Variants in IAH1 observed in about 807,000 individuals in gnomAD.
The protein encoded by IAH1 is isoamyl acetate-hydrolyzing esterase 1 homolog.
IAH1 carries 24 observed loss-of-function variants against 26.7 expected under a neutral mutation model. The ratio of observed to expected loss-of-function variants is 0.90; its 90% confidence interval spans 0.65 to 1.26. IAH1 has a LOEUF of 1.26. Among genes scored for constraint, IAH1 ranks in the 50% most tolerant of loss-of-function variants. The probability of loss-of-function intolerance (pLI) is 0.00; values close to 1 mark genes in which losing one functional copy is unlikely to be tolerated. For synonymous variants in IAH1, 140 were observed against 118.5 expected (o/e 1.18, Z -1.18); for missense variants, 300 against 299.9 (o/e 1.00, Z 0.00).
downstream of IAH1, chr2:9,490,146 CA>C: frequency 6.5e-7 from 1 of 1,537,584 alleles, no homozygotes; most frequent in Non-Finnish European, 8.8e-7. Flanking sequence ...AAATATTTTG[CA>C]CACTTAAGTC....
chr2:9,481,242 T>C (rs373062565), intron 3 of IAH1, 44 bp from the exon 4 acceptor site: 12 of 1,600,644 alleles, frequency 7.5e-6, no homozygotes, highest in South Asian at 1.1e-5. Context: ...TTGTCACTTA[T>C]AATAAATATG....
downstream of IAH1, among the ~76,000 whole-genome samples, chr2:9,491,754 G>A (rs1030469165): frequency 1.1e-4 from 16 of 152,238 alleles, no homozygotes; most frequent in African/African-American, 3.6e-4. Context: ...CAAGGACCAA[G>A]AATCCAGGAC....
At chr2:9,493,817 A>G, downstream of IAH1, 1 of 1,613,776 alleles carries the variant, frequency 6.2e-7, no homozygotes. Context: ...CTCGTTTCTC[A>G]CATTTGCCCT....
downstream of IAH1, among the ~76,000 whole-genome samples, chr2:9,499,204 A>G (rs571484376): frequency 4.1e-5 from 6 of 147,146 alleles, no homozygotes; most frequent in Non-Finnish European, 7.4e-5. Context: ...TCTGCTATCT[A>G]CTATTTTGTA....
At position 9,474,577 on chromosome 2, in the gene IAH1, G is replaced by A; in HGVS notation, c.11G>A (p.Cys4Tyr). The stretch of plus-strand genomic sequence containing the variant: ...CCGCCCGGCTGCTCCATGGCGCTGT[G>A]CGAGGCCGCGGGCTGCGGGAGTGCC... The part of the protein sequence containing the change: MAL[C>Y]EAAGCGSALL... The change falls in exon 1 of 6, where the codon TGC becomes TAC. Residue 4 changes from cysteine to tyrosine, a missense_variant. By Grantham distance (194) the Cys-to-Tyr change is radical. Transcript: ENST00000497473. This position sits in a 1 kb window ranked among gnomAD's most constrained non-coding sequence, Gnocchi z 4.3. 2 of 1,530,210 alleles carry A rather than the reference G, an allele frequency of 1.3e-6. No homozygotes were observed. Among genetic ancestry groups the A allele is most frequent in the African/African-American group, 1.4e-5 (1 of 69,346 alleles). 94.8% of individuals were successfully genotyped at this position (1,530,210 alleles called of 1,614,324 possible). A position where few individuals can be genotyped will look rare whatever the true frequency, so the allele number is the denominator to read the frequency against.
chr2:9,500,038 A>C (rs1046891917), downstream of IAH1, among the ~76,000 whole-genome samples: 2 of 152,268 alleles, frequency 1.3e-5, no homozygotes, highest in Non-Finnish European at 2.9e-5. Context: ...CACATGACCC[A>C]GAAATTCTAT....
At chr2:9,509,843 T>G in the IAH1 span, 8 of 1,153,720 alleles carry the variant, frequency 6.9e-6, no homozygotes, top group Non-Finnish European at 9.8e-6. Context: ...CACAACCACG[T>G]TTCAAGGTAC....
intron 6 of IAH1, among the ~76,000 whole-genome samples, chr2:9,495,779 G>C: frequency 6.7e-6 from 1 of 150,170 alleles, no homozygotes; most frequent in Middle Eastern, 3.5e-3. Context: ...CTTTTACTGT[G>C]TCGGGCTCTG....
chr2:9,503,623 G>A, the IAH1 span, among the ~76,000 whole-genome samples: 33 of 151,988 alleles, frequency 2.2e-4, no homozygotes, highest in Non-Finnish European at 4.1e-4. Context: ...GGCAGATCAC[G>A]AAGTCAGGAG....
At chr2:9,496,349 C>T (rs968225839) in exon 7 of IAH1, 1 of 151,574 alleles carries the variant, frequency 6.6e-6, no homozygotes, top group African/African-American at 2.4e-5. Flanking sequence ...AAGCTGCTCT[C>T]AAACTCCTGA....
chr2:9,511,342 C>T, the IAH1 span, among the ~76,000 whole-genome samples: 1 of 151,860 alleles, frequency 6.6e-6, no homozygotes, highest in Non-Finnish European at 1.5e-5. Context: ...CCCGGCTACT[C>T]GGGAGGCTGA....
chr2:9,504,853 C>G, the IAH1 span, among the ~76,000 whole-genome samples: 9 of 151,766 alleles, frequency 5.9e-5, no homozygotes, highest in East Asian at 1.7e-3. Flanking sequence ...TAATGTCACA[C>G]TGCTTTCCAG....
chr2:9,511,343 G>A, the IAH1 span, among the ~76,000 whole-genome samples: 153 of 152,192 alleles, frequency 1.0e-3, no homozygotes, highest in African/African-American at 3.5e-3. Context: ...CCGGCTACTC[G>A]GGAGGCTGAG....
At chr2:9,490,521 G>A (rs1248206054), downstream of IAH1, 2 of 1,608,642 alleles carry the variant, frequency 1.2e-6, no homozygotes, top group South Asian at 1.1e-5. Context: ...TCGACGTTCT[G>A]CAAAGACATG....
chr2:9,474,133 CAG>C (rs763767946), upstream of IAH1, among the ~76,000 whole-genome samples: 3 of 152,096 alleles, frequency 2.0e-5, no homozygotes, highest in South Asian at 6.2e-4. This position sits in a 1 kb window ranked among gnomAD's most constrained non-coding sequence, Gnocchi z 4.3. Flanking sequence ...ACAGGCCCTC[CAG>C]AGTGACGCTG....
chr2:9,477,587 T>C (rs751190217), intron 2 of IAH1, among the ~76,000 whole-genome samples: 4 of 151,892 alleles, frequency 2.6e-5, no homozygotes, highest in Admixed American at 1.3e-4. Context: ...TCACTTTACA[T>C]GTGAGGAAGG....
At chr2:9,490,418 A>C, downstream of IAH1, 1 of 1,614,140 alleles carries the variant, frequency 6.2e-7, no homozygotes, top group Non-Finnish European at 8.5e-7. Context: ...CGCCGAAGGG[A>C]TCACAGGGGC....
At chr2:9,491,159 GA>G (rs372459687), downstream of IAH1, 125 of 1,611,338 alleles carry the variant, frequency 7.8e-5, no homozygotes, top group East Asian at 1.9e-3. Flanking sequence ...ATCCTAGAAA[GA>G]AACAGCAAGA....
At chr2:9,490,241 T>G (rs1008774991), downstream of IAH1, 4 of 1,610,964 alleles carry the variant, frequency 2.5e-6, no homozygotes, top group African/African-American at 5.3e-5. Context: ...GGCAGCCTTT[T>G]CACTTCTGGT....
Sources: gnomAD v4.1 joint callset for allele counts (sites outside exome capture counted in the v4.1 genomes callset) on GRCh38, gnomAD v4.1.1 for gene constraint, Gnocchi (gnomAD v3.1) non-coding constraint, MANE v1.5 for transcripts, NCBI Gene and HGNC (gene_info 2026-07-23, HGNC 2026-07-21) for gene names.